The following UTP20 variants were observed in gnomAD, a reference collection of about 807,000 sequenced individuals.
The protein encoded by UTP20 is small subunit processome component 20 homolog.
A neutral mutation model predicts 329.5 loss-of-function variants in UTP20; 164 were observed. The observed-to-expected ratio is 0.50, with a 90% CI of 0.44 to 0.57. The LOEUF (loss-of-function observed/expected upper bound fraction) is 0.57. Among genes scored for constraint, UTP20 ranks in the 20% least tolerant of loss-of-function variants. UTP20 has a pLI of 0.00. For synonymous variants in UTP20, 1,151 were observed against 1,159.3 expected (o/e 0.99, Z 0.14); for missense variants, 3,055 against 3,284.2 (o/e 0.93, Z 1.71).
At chr12:101,300,655 C>T (rs1023358960) in intron 14 of UTP20, among the ~76,000 whole-genome samples, 2 of 152,118 alleles carry the variant, frequency 1.3e-5, no homozygotes, top group Non-Finnish European at 2.9e-5. Context: ...AGTCTGCAAA[C>T]GGCAATTCAA....
In UTP20 at chr12:101,375,682, T is replaced by C. The variant is rs768012945; in HGVS notation, c.7322T>C (p.Leu2441Pro). Residue 2441 changes from leucine to proline, a missense_variant, in exon 56 of 62, where the codon CTG (leucine) becomes CCG (proline). Leu to Pro is a moderately conservative substitution (Grantham distance 98, BLOSUM62 -3). Around this residue, in one of 3 missense-constraint regions of UTP20, gnomAD observed 273 missense variants for 363.1 expected, o/e 0.75. Coordinates refer to ENST00000261637, the MANE Select transcript of UTP20 (RefSeq NM_014503.3). ...ADRLLFSFLT[L>P]ITKLIKECNI... is the part of the protein sequence containing the mutation. ...CGCCTTCTGTTTAGTTTTCTTACAC[T>C]GATAACTAAACTTATCAAGGAATGT... The C allele has an allele frequency of 3.7e-6, 6 of 1,609,102 alleles. No individual in the cohort carries two copies. Among genetic ancestry groups the C allele is most frequent in the Non-Finnish European group, 4.2e-6 (5 of 1,176,572 alleles).
chr12:101,327,605 A>G (rs1411874337), intron 26 of UTP20, among the ~76,000 whole-genome samples: 1 of 152,210 alleles, frequency 6.6e-6, no homozygotes, highest in African/African-American at 2.4e-5. Context: ...ATTGTTTGGC[A>G]TTTATTCATT....
At chr12:101,282,122 C>CTATATTTAAGG (rs1871820975) in intron 2 of UTP20, among the ~76,000 whole-genome samples, 1 of 152,206 alleles carries the variant, frequency 6.6e-6, no homozygotes, top group Non-Finnish European at 1.5e-5. Flanking sequence ...TAATATTCTT[C>CTATATTTAAGG]TTTACTATAA....
At chr12:101,347,496 C>G (rs1225710837) in intron 38 of UTP20, among the ~76,000 whole-genome samples, 3 of 151,970 alleles carry the variant, frequency 2.0e-5, no homozygotes, top group Non-Finnish European at 4.4e-5. Flanking sequence ...GCACTCCAGC[C>G]TGGGCGACAG....
At position 101,281,795 on chromosome 12, in the gene UTP20, C is replaced by T. The variant is rs1037491188; in HGVS notation, c.126+599C>T. On this transcript the variant is annotated intron_variant, in intron 2 of 61. Coordinates refer to ENST00000261637, the MANE Select transcript of UTP20 (RefSeq NM_014503.3). ...TCTTGGCTCACTGCAATCTCCACCT[C>T]CCAGGTTTAAGCGATTCTCCTGCCT... Among the ~76,000 whole-genome samples the T allele has an allele frequency of 3.9e-5, 6 of 152,236 alleles. No homozygotes were observed. The East Asian group carries it at 7.7e-4, about 20-fold the overall frequency.
intron 41 of UTP20, among the ~76,000 whole-genome samples, chr12:101,355,403 A>G (rs1200643543): frequency 4.6e-5 from 7 of 152,344 alleles, no homozygotes; most frequent in African/African-American, 1.7e-4. Flanking sequence ...AAAGGTTATT[A>G]AAAATTAGAA....
intron 15 of UTP20, 105 bp downstream of exon 15, chr12:101,302,658 C>G (rs960393486): frequency 1.4e-6 from 1 of 690,486 alleles, no homozygotes; most frequent in Non-Finnish European, 2.3e-6. Flanking sequence ...TATTTTATAC[C>G]TGAGTTGTAT....
rs1013173183 is a variant in UTP20 at position 101,281,645 on chromosome 12, A to G, written c.126+449A>G. Among the ~76,000 whole-genome samples, 5 of 152,272 alleles carry G rather than the reference A, an allele frequency of 3.3e-5. No homozygotes were observed. The East Asian group carries it at 9.6e-4, about 29-fold the overall frequency. ...TTTATAAAAATAAAGGGGCTAGACT[A>G]CATAATATTTTCCAGTTTTAACCAT... is the stretch of plus-strand genomic sequence containing the variant. On this transcript the variant is annotated intron_variant, in intron 2 of 61. Transcript: ENST00000261637.
At chr12:101,381,246 G>A (rs1870635869) in intron 58 of UTP20, 35 bp downstream of exon 58, 6 of 1,573,620 alleles carry the variant, frequency 3.8e-6, no homozygotes, top group Non-Finnish European at 5.2e-6. Context: ...TAAAAGAAGG[G>A]GCCGGCTGGG....
intron 2 of UTP20, among the ~76,000 whole-genome samples, chr12:101,281,753 G>T (rs1871803942): frequency 6.6e-6 from 1 of 151,944 alleles, no homozygotes; most frequent in South Asian, 2.1e-4. Flanking sequence ...TCTCCAGGTT[G>T]GAGTGCAGTG....
rs375795763 is a variant in UTP20 at position 101,333,530 on chromosome 12, G to A, written c.3561+86G>A. On this transcript the variant is annotated intron_variant, in intron 28 of 61. Transcript: ENST00000261637. ...ACCAACATAGCTACCACCCAGACAT[G>A]AATGCTTACCTGGGTCTTTCCTTTT... 1.8e-5 allele frequency: 27 copies of A among 1,497,652 alleles called. No individual in the cohort carries two copies. The African/African-American group carries it at 3.2e-4, about 18-fold the overall frequency. The allele number at this position is 1,497,652 out of a possible 1,614,324, so 92.8% of individuals were successfully genotyped here. A position where few individuals can be genotyped will look rare whatever the true frequency, so the allele number is the denominator to read the frequency against.
chr12:101,329,290 T>C lies in UTP20; in HGVS notation c.3258T>C (p.Ser1086=). ...AAGCAGTAGAAGACTTGGATTTGTCTAAAGTTCTTCCTTTAGGTCGTCAGC... is the reference window on the plus strand; with the variant it reads ...AAGCAGTAGAAGACTTGGATTTGTCCAAAGTTCTTCCTTTAGGTCGTCAGC... ...VIQAVEDLDL[S]KVLPLGRQHG... Residue 1086 remains serine, a synonymous_variant, in exon 27 of 62, where the codon TCT becomes TCC. Transcript: ENST00000261637. The C allele has an allele frequency of 6.2e-7, 1 of 1,614,202 alleles. No homozygotes were observed. Among genetic ancestry groups the C allele is most frequent in the Non-Finnish European group, 8.5e-7 (1 of 1,180,034 alleles).
intron 27 of UTP20, among the ~76,000 whole-genome samples, chr12:101,330,042 T>C (rs565290765): frequency 4.6e-5 from 7 of 150,890 alleles, no homozygotes; most frequent in Admixed American, 2.6e-4. Flanking sequence ...AAAATAGTTA[T>C]TATAAAAACA....
chr12:101,300,122 A>G (rs1275274864), intron 14 of UTP20, 61 bp downstream of exon 14: 23 of 1,456,124 alleles, frequency 1.6e-5, no homozygotes, highest in South Asian at 4.6e-5. Context: ...AAGTAATTGT[A>G]AACACATGAG....
chr12:101,385,806 C>T, intron 61 of UTP20, 78 bp downstream of exon 61: 1 of 1,536,102 alleles, frequency 6.5e-7, no homozygotes, highest in Non-Finnish European at 8.7e-7. Context: ...GTCACACTTA[C>T]ACTTAGGGAG....
chr12:101,297,399 G>GA (rs1428868493), intron 12 of UTP20, among the ~76,000 whole-genome samples: 1 of 151,990 alleles, frequency 6.6e-6, no homozygotes, highest in Non-Finnish European at 1.5e-5. Context: ...AATTTTTGTA[G>GA]AGACGAGGTC....
chr12:101,379,978 C>G (rs71464268), intron 57 of UTP20, among the ~76,000 whole-genome samples: 1 of 152,032 alleles, frequency 6.6e-6, no homozygotes, highest in Non-Finnish European at 1.5e-5. Flanking sequence ...CGCCACCACA[C>G]CCAGCTAATA....
Position 101,280,135 on chromosome 12 carries a change from GGCGCCCAGGGGCT to G in UTP20, c.-147_-135del, listed in dbSNP as rs1871742785. ...GGCTCCTCCTTGTCTCCAACATGGC[GGCGCCCAGGGGCT>G]CAAGCCGCACGTGAGAAAGTCTGGG... On this transcript the variant is annotated 5_prime_UTR_variant, in exon 1 of 62. The change abolishes the stop of an existing upstream ORF in the 5' untranslated region. Transcript: ENST00000261637. 3.9e-6 allele frequency: 4 copies of G among 1,012,728 alleles called. 1 individual carries two copies. The Admixed American group carries it at 1.1e-4, about 29-fold the overall frequency. 62.7% of individuals were successfully genotyped at this position (1,012,728 alleles called of 1,614,324 possible). A position where few individuals can be genotyped will look rare whatever the true frequency, so the allele number is the denominator to read the frequency against.
chr12:101,339,745 G>C (rs1023203615), intron 31 of UTP20, among the ~76,000 whole-genome samples: 4 of 152,124 alleles, frequency 2.6e-5, no homozygotes, highest in Admixed American at 6.6e-5. Flanking sequence ...TAAAGGGAAA[G>C]GTTAATAAAC....
Sources: gnomAD v4.1 joint callset for allele counts (sites outside exome capture counted in the v4.1 genomes callset) on GRCh38, gnomAD v4.1.1 for gene constraint, gnomAD v4.1.1 regional missense constraint, MANE v1.5 for transcripts, NCBI Gene and HGNC (gene_info 2026-07-23, HGNC 2026-07-21) for gene names.